Variants in MICAL3 observed in about 807,000 individuals in gnomAD.
The protein encoded by MICAL3 is microtubule associated monooxygenase, calponin and LIM domain containing 3.
MICAL3 carries 62 observed loss-of-function variants against 207.4 expected under a neutral mutation model. The ratio of observed to expected loss-of-function variants is 0.30; its 90% CI spans 0.24 to 0.37. The LOEUF (loss-of-function observed/expected upper bound fraction) is 0.37, where lower values mean the gene tolerates loss of function less well. Among genes scored for constraint, MICAL3 ranks in the 10% least tolerant of loss-of-function variants. MICAL3 has a pLI of 1.00. For synonymous variants in MICAL3, 1,077 were observed against 1,069.3 expected (o/e 1.01, Z -0.14); for missense variants, 2,368 against 2,635.6 (o/e 0.90, Z 2.22).
At chr22:17,872,914 ATAAAT>A (rs1417368181) in intron 16 of MICAL3, 1 of 1,096,740 alleles carries the variant, frequency 9.1e-7, no homozygotes, top group South Asian at 1.3e-5. Flanking sequence ...AAAAAAATAC[ATAAAT>A]TAAGAAGACA....
intron 19 of MICAL3, among the ~76,000 whole-genome samples, chr22:17,851,914 G>A (rs561525463): frequency 2.8e-4 from 43 of 152,348 alleles, no homozygotes; most frequent in African/African-American, 7.0e-4. Context: ...GTGTTGACAC[G>A]TGGCGGGTGA....
At position 17,817,413 on chromosome 22, in the gene MICAL3, CCTT is replaced by C; in HGVS notation, c.5245_5247del (p.Lys1749del). ...TTGTCGTCGGCCTTCTTCTTCTTGTCCTTCTTGTACCCGGAGAAGACGGACTTC... is the reference window on the plus strand; with the variant it reads ...TTGTCGTCGGCCTTCTTCTTCTTGTCCTTGTACCCGGAGAAGACGGACTTC... On this transcript the variant is annotated inframe_deletion, in exon 26 of 32. Coordinates refer to ENST00000441493, the MANE Select transcript of MICAL3 (RefSeq NM_015241.3). 1.2e-6 allele frequency: 2 copies of C among 1,613,470 alleles called. No individual in the cohort carries two copies. Among genetic ancestry groups the C allele is most frequent in the Non-Finnish European group, 1.7e-6 (2 of 1,179,856 alleles).
At chr22:17,928,310 G>A (rs1489013523) in intron 1 of MICAL3, among the ~76,000 whole-genome samples, 1 of 152,050 alleles carries the variant, frequency 6.6e-6, no homozygotes, top group Non-Finnish European at 1.5e-5. Flanking sequence ...GTGGTGGCGG[G>A]CATCTGTAGT....
chr22:17,903,598 CA>C (rs1931495410), intron 3 of MICAL3, among the ~76,000 whole-genome samples: 1 of 152,244 alleles, frequency 6.6e-6, no homozygotes, highest in Admixed American at 6.5e-5. Flanking sequence ...TTGTTCTCCC[CA>C]GTTTACCACA....
chr22:17,818,890 T>C lies in MICAL3; in HGVS notation c.3771A>G (p.Pro1257=). ...PVAASTPPPS[P]LPICSQPQPS... ...GCTGGGGCTGGGAGCAGATGGGGAG[T>C]GGGCTGGGTGGGGGCGTGGAGGCCG... Residue 1257 remains proline (P), a synonymous_variant, in exon 26 of 32, where the codon CCA becomes CCG. Transcript: ENST00000441493. 8.2e-7 allele frequency: 1 copy of C among 1,220,408 alleles called. No individual in the cohort carries two copies. Among genetic ancestry groups the C allele is most frequent in the Non-Finnish European group, 1.1e-6 (1 of 921,358 alleles). The allele number at this position is 1,220,408 out of a possible 1,614,324, so 75.6% of individuals were successfully genotyped here.
In MICAL3 at chr22:17,902,660, A is replaced by G. The variant is rs778263328; in HGVS notation, c.560T>C (p.Ile187Thr). The G allele has an allele frequency of 6.2e-6, 10 of 1,605,958 alleles. No homozygotes were observed. Among genetic ancestry groups the G allele is most frequent in the African/African-American group, 2.7e-5 (2 of 74,858 alleles). The part of the protein sequence containing the change: ...IHVNVEFQGL[I>T]QPPEDQENER... ...ATTCTCTTGGTCCTCAGGAGGCTGTATAAGTCCTTGGAATTCCACATTGAC... is the reference window on the plus strand; with the variant it reads ...ATTCTCTTGGTCCTCAGGAGGCTGTGTAAGTCCTTGGAATTCCACATTGAC... Residue 187 changes from isoleucine to threonine, a missense_variant, in exon 4 of 32, where the codon ATA becomes ACA. By Grantham distance (89) the Ile-to-Thr change is moderately conservative. Around this residue, in one of 4 missense-constraint regions of MICAL3, gnomAD observed 400 missense variants for 547.0 expected, o/e 0.73. Coordinates refer to ENST00000441493, the MANE Select transcript of MICAL3 (RefSeq NM_015241.3). This position sits in a 1 kb window ranked among gnomAD's most constrained non-coding sequence, Gnocchi z 4.5.
intron 1 of MICAL3, among the ~76,000 whole-genome samples, chr22:17,968,548 T>G (rs1253956711): frequency 6.6e-6 from 1 of 152,156 alleles, no homozygotes; most frequent in Non-Finnish European, 1.5e-5. Flanking sequence ...GTGCCTCTTA[T>G]GGATGTAATG....
rs543989006 is a variant in MICAL3 at position 17,986,788 on chromosome 22, T to C, written c.-75+37493A>G. Among the ~76,000 whole-genome samples the C allele has an allele frequency of 5.3e-5, 8 of 152,324 alleles. No individual in the cohort carries two copies. In the East Asian group the frequency reaches 1.5e-3, roughly 29 times the overall value. ...TATGCATCAGACACTTCCCTATTTC[T>C]AGTTTCAGTCTTTTAAGTAGCCAAA... On this transcript the variant is annotated intron_variant, in intron 1 of 31. Transcript: ENST00000441493.
intron 16 of MICAL3, among the ~76,000 whole-genome samples, chr22:17,877,264 AAGTTATG>A (rs1928748344): frequency 2.4e-5 from 2 of 83,378 alleles, no homozygotes; most frequent in African/African-American, 7.4e-5. Flanking sequence ...GAGGTTAGGG[AAGTTATG>A]GAGGTTAGGG....
intron 19 of MICAL3, among the ~76,000 whole-genome samples, chr22:17,853,281 C>T (rs1195283413): frequency 3.3e-5 from 5 of 152,148 alleles, no homozygotes; most frequent in African/African-American, 9.7e-5. Flanking sequence ...AGCTGGCACG[C>T]AACGAAGGTC....
intron 1 of MICAL3, among the ~76,000 whole-genome samples, chr22:17,929,568 CTTTTT>C (rs67222681): frequency 0.016 from 1,746 of 108,888 alleles, 11 homozygotes; most frequent in African/African-American, 0.021. Flanking sequence ...CTTTTCTTTT[CTTTTT>C]TTTTTTTTTT....
intron 19 of MICAL3, among the ~76,000 whole-genome samples, chr22:17,844,831 TGGCAGAAAAGA>T (rs1924463780): frequency 6.6e-6 from 1 of 152,184 alleles, no homozygotes; most frequent in Admixed American, 6.5e-5. Context: ...CTAGAGGTAA[TGGCAGAAAAGA>T]GGCAGAGGGC....
chr22:17,861,030 A>G, intron 19 of MICAL3: 1 of 985,404 alleles, frequency 1.0e-6, no homozygotes, highest in South Asian at 4.7e-5. Flanking sequence ...TTCACACATC[A>G]CCGTCAGCTA....
At position 17,861,511 on chromosome 22, in the gene MICAL3, A is replaced by G. The variant is rs989577599; in HGVS notation, c.2605+3388T>C. 115 of 985,436 alleles carry G rather than the reference A, an allele frequency of 1.2e-4. No homozygotes were observed. In the African/African-American group the frequency reaches 1.7e-3, roughly 15 times the overall value. 61.0% of individuals were successfully genotyped at this position (985,436 alleles called of 1,614,324 possible). On this transcript the variant is annotated intron_variant, in intron 19 of 31. Coordinates refer to ENST00000441493, the MANE Select transcript of MICAL3 (RefSeq NM_015241.3). Reference sequence around the variant, plus strand: ...TTCCCTACTTCATTTTTGGTCATCAACCGTATCAGATAAAAAGAGGATTCC... The same window carrying G: ...TTCCCTACTTCATTTTTGGTCATCAGCCGTATCAGATAAAAAGAGGATTCC...
chr22:18,017,357 G>A (rs1924125055), intron 1 of MICAL3, among the ~76,000 whole-genome samples: 1 of 151,842 alleles, frequency 6.6e-6, no homozygotes, highest in African/African-American at 2.4e-5. Flanking sequence ...GGGATTACAG[G>A]TGCCTGATAC....
chr22:17,846,622 C>A (rs888607878), intron 19 of MICAL3, among the ~76,000 whole-genome samples: 2 of 152,184 alleles, frequency 1.3e-5, no homozygotes, highest in African/African-American at 4.8e-5. Flanking sequence ...TGTAAACAAG[C>A]GCTTTGCAAG....
chr22:17,991,962 G>A (rs403668), intron 1 of MICAL3, among the ~76,000 whole-genome samples: 48,852 of 152,048 alleles, frequency 0.32, 8,136 homozygotes, highest in East Asian at 0.52. Context: ...GAAAGGAGCC[G>A]TAGAAGCAGC....
chr22:17,872,891 G>C (rs557428534), intron 16 of MICAL3: 3 of 1,321,104 alleles, frequency 2.3e-6, no homozygotes, highest in Non-Finnish European at 2.2e-6. Context: ...CAGAATGAAG[G>C]GAAATGAGAA....
rs201286172 is a variant in MICAL3 at position 17,875,477 on chromosome 22, G to A, written c.2242-3454C>T. 2.3e-4 allele frequency: 364 copies of A among 1,556,524 alleles called. 1 individual carries two copies. The highest frequency in any genetic ancestry group is 3.0e-4 in the Non-Finnish European group (343 of 1,150,436). ...GGAGGGAGTCGGAGGAGGGAGAGGC[G>A]GGGCGGGCAGAGGAGCGGAGACTAA... On this transcript the variant is annotated intron_variant, in intron 16 of 31. Transcript: ENST00000441493.
Sources: gnomAD v4.1 joint callset for allele counts (sites outside exome capture counted in the v4.1 genomes callset) on GRCh38, gnomAD v4.1.1 for gene constraint, gnomAD v4.1.1 regional missense constraint, Gnocchi (gnomAD v3.1) non-coding constraint, MANE v1.5 for transcripts, NCBI Gene and HGNC (gene_info 2026-07-23, HGNC 2026-07-21) for gene names.